The following STXBP4 variants were observed in gnomAD, a reference collection of about 807,000 sequenced individuals.
STXBP4 encodes the protein syntaxin binding protein 4.
A neutral mutation model predicts 76.1 loss-of-function variants in STXBP4; 55 were observed. The observed-to-expected ratio is 0.72, with a 90% CI of 0.58 to 0.91. STXBP4 has a LOEUF of 0.91. Among genes scored for constraint, STXBP4 ranks in the 40% least tolerant of loss-of-function variants. STXBP4 has a pLI of 0.00. For missense variants in STXBP4, 618 were observed against 636.9 expected (o/e 0.97, Z 0.32); for synonymous variants, 201 against 220.2 (o/e 0.91, Z 0.77).
intron 16 of STXBP4, among the ~76,000 whole-genome samples, chr17:55,115,592 T>G (rs149501291): frequency 0.012 from 1,760 of 151,984 alleles, 34 homozygotes; most frequent in African/African-American, 0.039. Context: ...AACTATACCC[T>G]CTTTTTTATT....
intron 11 of STXBP4, chr17:55,044,737 C>T (rs2078761022): frequency 6.6e-6 from 1 of 151,972 alleles, no homozygotes; most frequent in Admixed American, 6.6e-5. Context: ...GCTATGAATC[C>T]AAAACTGCTT....
At chr17:55,130,717 T>C (rs1396657130) in intron 16 of STXBP4, among the ~76,000 whole-genome samples, 1 of 152,226 alleles carries the variant, frequency 6.6e-6, no homozygotes, top group African/African-American at 2.4e-5. Flanking sequence ...TATTCTACTT[T>C]TCATTTCTAT....
chr17:54,978,710 T>G (rs1234009660), intron 1 of STXBP4, among the ~76,000 whole-genome samples: 1 of 152,104 alleles, frequency 6.6e-6, no homozygotes, highest in African/African-American at 2.4e-5. Flanking sequence ...CCAAATAATA[T>G]ATCAAAGTAT....
chr17:55,003,531 CTAAT>C (rs2077953446), intron 7 of STXBP4, among the ~76,000 whole-genome samples: 1 of 152,016 alleles, frequency 6.6e-6, no homozygotes, highest in African/African-American at 2.4e-5. Flanking sequence ...TTATAAGTAC[CTAAT>C]TATAGATTGT....
chr17:55,117,265 A>G (rs1167533132), intron 16 of STXBP4, among the ~76,000 whole-genome samples: 1 of 151,840 alleles, frequency 6.6e-6, no homozygotes, highest in Non-Finnish European at 1.5e-5. Flanking sequence ...TATTGAAGCT[A>G]TGGAAAGAGA....
At chr17:55,121,188 A>C (rs1205988513) in intron 16 of STXBP4, among the ~76,000 whole-genome samples, 1 of 152,228 alleles carries the variant, frequency 6.6e-6, no homozygotes, top group Non-Finnish European at 1.5e-5. Context: ...AACTATTGTA[A>C]TGCAAAGTTT....
At chr17:55,043,721 G>T in intron 11 of STXBP4, 1 of 1,345,238 alleles carries the variant, frequency 7.4e-7, no homozygotes, top group South Asian at 1.4e-5. Context: ...CTATTCTTAA[G>T]GGACATCATG....
chr17:55,024,339 T>C (rs1416185422), intron 8 of STXBP4, among the ~76,000 whole-genome samples: 1 of 152,244 alleles, frequency 6.6e-6, no homozygotes, highest in Admixed American at 6.5e-5. Context: ...TAGTCAGAGC[T>C]TTTCAGCTAT....
chr17:55,155,330 A>G (rs529433075), intron 17 of STXBP4, among the ~76,000 whole-genome samples: 3 of 152,128 alleles, frequency 2.0e-5, no homozygotes, highest in South Asian at 4.1e-4. Context: ...TTTGTTTTCA[A>G]TTGGGATTAG....
rs2080409622 is a variant in STXBP4 at position 55,172,095 on chromosome 17, G to C, written c.*12184G>C. ...GAGGCATATCTAAGACTTTTTTCTT[G>C]TGGAGGGAGCTCACTCAACTGTAGG... is the stretch of plus-strand genomic sequence containing the variant. On this transcript the variant is annotated 3_prime_UTR_variant, in exon 18 of 18. Coordinates refer to ENST00000376352, the MANE Select transcript of STXBP4 (RefSeq NM_178509.6). The C allele has an allele frequency of 6.6e-6, 1 of 152,180 alleles. No individual in the cohort carries two copies. The highest frequency in any genetic ancestry group is 6.5e-5 in the Admixed American group (1 of 15,282). 9.4% of individuals were successfully genotyped at this position (152,180 alleles called of 1,614,324 possible).
chr17:55,077,312 C>T (rs1458554355), intron 13 of STXBP4, among the ~76,000 whole-genome samples: 1 of 152,076 alleles, frequency 6.6e-6, no homozygotes, highest in Non-Finnish European at 1.5e-5. Flanking sequence ...TAGCCTGGGA[C>T]CAATTTAAAG....
At chr17:55,213,230 C>T in the STXBP4 span, among the ~76,000 whole-genome samples, 1 of 152,116 alleles carries the variant, frequency 6.6e-6, no homozygotes, top group African/African-American at 2.4e-5. Context: ...AAGACTTGAA[C>T]AGGTCAGGTG....
intron 17 of STXBP4, among the ~76,000 whole-genome samples, chr17:55,150,089 G>A (rs1464103971): frequency 6.6e-6 from 1 of 152,152 alleles, no homozygotes; most frequent in African/African-American, 2.4e-5. Context: ...GTGTATAATT[G>A]TCTTTGCTGC....
At chr17:54,985,116 T>A (rs1356814141) in intron 1 of STXBP4, among the ~76,000 whole-genome samples, 1 of 152,224 alleles carries the variant, frequency 6.6e-6, no homozygotes, top group Non-Finnish European at 1.5e-5. Flanking sequence ...AAGCTATAAT[T>A]GATTTACAAC....
rs934197222 is a variant in STXBP4, at chr17:55,170,873, G to A, written c.*10962G>A. The A allele has an allele frequency of 1.3e-5, 2 of 152,216 alleles. No homozygotes were observed. The highest frequency in any genetic ancestry group is 4.8e-5 in the African/African-American group (2 of 41,454). 9.4% of individuals were successfully genotyped at this position (152,216 alleles called of 1,614,324 possible). A position where few individuals can be genotyped will look rare whatever the true frequency, so the allele number is the denominator to read the frequency against. ...TGTTTTTCCTGCTAGAAATGCTAGA[G>A]TTGTCACAGATGTGATATTTATGTT... On this transcript the variant is annotated 3_prime_UTR_variant, in exon 18 of 18. Coordinates refer to ENST00000376352, the MANE Select transcript of STXBP4 (RefSeq NM_178509.6).
At chr17:55,104,916 GA>G (rs2079612587) in intron 16 of STXBP4, among the ~76,000 whole-genome samples, 1 of 152,176 alleles carries the variant, frequency 6.6e-6, no homozygotes, top group South Asian at 2.1e-4. Context: ...TATATGCGTA[GA>G]GGTGTTTATA....
the STXBP4 span, among the ~76,000 whole-genome samples, chr17:55,183,035 G>A: frequency 6.6e-6 from 1 of 152,232 alleles, no homozygotes; most frequent in Non-Finnish European, 1.5e-5. Flanking sequence ...AATGAATATT[G>A]ACTGTAAAAA....
chr17:55,134,554 AGCC>A (rs1567777125), intron 16 of STXBP4, among the ~76,000 whole-genome samples: 1 of 152,100 alleles, frequency 6.6e-6, no homozygotes, highest in African/African-American at 2.4e-5. Context: ...TGGGGTGGGG[AGCC>A]CTTTAAAAGT....
chr17:55,091,741 T>C (rs1396651448), intron 16 of STXBP4, among the ~76,000 whole-genome samples: 1 of 152,180 alleles, frequency 6.6e-6, no homozygotes, highest in Non-Finnish European at 1.5e-5. Flanking sequence ...GATGGTTCAA[T>C]GATCACAAGT....
Sources: allele counts gnomAD v4.1 joint callset (sites outside exome capture counted in the v4.1 genomes callset), GRCh38; gene constraint gnomAD v4.1.1; transcripts MANE v1.5; gene names NCBI Gene and HGNC (gene_info 2026-07-23, HGNC 2026-07-21).